The following PDE7A variants were observed in gnomAD, a reference collection of about 807,000 sequenced individuals.
PDE7A encodes the protein phosphodiesterase 7A.
Under a neutral mutation model 64.3 loss-of-function variants are expected in PDE7A, and 39 were observed. That is an observed-to-expected ratio of 0.61 (90% CI 0.47 to 0.79). PDE7A has a LOEUF of 0.79. Among genes scored for constraint, PDE7A ranks in the 30% least tolerant of loss-of-function variants. The probability of loss-of-function intolerance (pLI) is 0.00; values close to 1 mark genes in which losing one functional copy is unlikely to be tolerated. For synonymous variants in PDE7A, 203 were observed against 206.8 expected, an observed-to-expected ratio of 0.98 and a Z score of 0.16; for missense variants, 470 against 582.8, an observed-to-expected ratio of 0.81 and a Z score of 1.99.
chr8:65,735,966 T>C (rs890410528), intron 6 of PDE7A, among the ~76,000 whole-genome samples: 11 of 152,096 alleles, frequency 7.2e-5, no homozygotes, highest in Non-Finnish European at 1.5e-4. Context: ...AGTAGTCCCC[T>C]CATATTCTTG....
At chr8:65,807,335 A>G (rs1810135755) in intron 1 of PDE7A, among the ~76,000 whole-genome samples, 1 of 152,054 alleles carries the variant, frequency 6.6e-6, no homozygotes, top group South Asian at 2.1e-4. Context: ...CAGGTTATTC[A>G]CTTTAAGGGT....
At chr8:65,723,475 T>A in intron 12 of PDE7A, 66 bp downstream of exon 12, 1 of 1,304,262 alleles carries the variant, frequency 7.7e-7, no homozygotes, top group Admixed American at 2.8e-5. Context: ...ATTTCAAATA[T>A]ATTTCCCTTC....
At chr8:65,792,094 CT>C (rs1809717256) in intron 1 of PDE7A, among the ~76,000 whole-genome samples, 1 of 152,052 alleles carries the variant, frequency 6.6e-6, no homozygotes, top group Non-Finnish European at 1.5e-5. Flanking sequence ...GTTTATTATT[CT>C]ATAAAGTTAC....
intron 1 of PDE7A, among the ~76,000 whole-genome samples, chr8:65,803,342 G>T (rs994365833): frequency 1.3e-5 from 2 of 152,134 alleles, no homozygotes; most frequent in African/African-American, 4.8e-5. Flanking sequence ...ACTTTAAAAA[G>T]AAATAAACTG....
chr8:65,745,101 T>C (rs1328402849), intron 5 of PDE7A, among the ~76,000 whole-genome samples: 1 of 152,162 alleles, frequency 6.6e-6, no homozygotes, highest in African/African-American at 2.4e-5. Flanking sequence ...TCATAAGGGG[T>C]TTCCCCTTTT....
intron 1 of PDE7A, among the ~76,000 whole-genome samples, chr8:65,834,227 G>A (rs1484764737): frequency 6.6e-6 from 1 of 152,110 alleles, no homozygotes; most frequent in African/African-American, 2.4e-5. Flanking sequence ...TGAGGTTCAT[G>A]AAGACCTTTA....
intron 3 of PDE7A, among the ~76,000 whole-genome samples, chr8:65,767,903 C>T (rs886303711): frequency 9.2e-5 from 14 of 152,262 alleles, no homozygotes; most frequent in Middle Eastern, 3.4e-3. Context: ...TCCTGGGAAC[C>T]GCAACCTGAA....
At chr8:65,804,540 CTTTTTTTT>C (rs762379703) in intron 1 of PDE7A, among the ~76,000 whole-genome samples, 2 of 113,046 alleles carry the variant, frequency 1.8e-5, no homozygotes, top group Admixed American at 9.4e-5. Context: ...CATTTTGTTG[CTTTTTTTT>C]TTTTTTTTTT....
intron 1 of PDE7A, among the ~76,000 whole-genome samples, chr8:65,799,183 T>C (rs1809929915): frequency 6.6e-6 from 1 of 152,182 alleles, no homozygotes; most frequent in South Asian, 2.1e-4. Flanking sequence ...TGCATGAGTG[T>C]ACCTGCTTGT....
intron 1 of PDE7A, among the ~76,000 whole-genome samples, chr8:65,828,160 A>T (rs1228114797): frequency 6.6e-6 from 1 of 152,126 alleles, no homozygotes; most frequent in African/African-American, 2.4e-5. Context: ...TAAAAAAAAA[A>T]ATCAGAAAAG....
chr8:65,801,652 T>TCA (rs1809990357), intron 1 of PDE7A, among the ~76,000 whole-genome samples: 1 of 151,956 alleles, frequency 6.6e-6, no homozygotes, highest in Admixed American at 6.5e-5. Context: ...TAAATAGAAG[T>TCA]AATAGCTTGA....
chr8:65,718,920 C>G lies in PDE7A; in HGVS notation c.*370G>C, dbSNP rs1806257248. On this transcript the variant is annotated 3_prime_UTR_variant, in exon 13 of 13. Coordinates refer to ENST00000401827, the MANE Select transcript of PDE7A (RefSeq NM_001242318.3). ...AGGTACAAGATACACATTGTTGCAT[C>G]AGACTGGTTAAATTCCAAGAGATTG... 1 of 264,736 alleles carries G rather than the reference C, an allele frequency of 3.8e-6. No homozygotes were observed. The highest frequency in any genetic ancestry group is 7.4e-6 in the Non-Finnish European group (1 of 134,792). The allele number at this position is 264,736 out of a possible 1,614,324, so 16.4% of individuals were successfully genotyped here. A position where few individuals can be genotyped will look rare whatever the true frequency, so the allele number is the denominator to read the frequency against.
At chr8:65,809,235 C>T (rs1810183726) in intron 1 of PDE7A, among the ~76,000 whole-genome samples, 1 of 152,198 alleles carries the variant, frequency 6.6e-6, no homozygotes, top group Non-Finnish European at 1.5e-5. Context: ...TCATATGCCA[C>T]TGCTTCATTA....
At chr8:65,730,171 C>CTTCTTTT (rs1295965698) in intron 7 of PDE7A, among the ~76,000 whole-genome samples, 1,302 of 86,404 alleles carry the variant, frequency 0.015, 284 homozygotes, top group Middle Eastern at 0.024. Context: ...TTGCGCACTT[C>CTTCTTTT]TTTTTTTTTT....
At chr8:65,765,350 G>A (rs967992562) in intron 3 of PDE7A, among the ~76,000 whole-genome samples, 38 of 150,144 alleles carry the variant, frequency 2.5e-4, no homozygotes, top group Admixed American at 5.9e-4. Context: ...TTAGCCGGGC[G>A]TAGTGGCGGG....
intron 3 of PDE7A, among the ~76,000 whole-genome samples, chr8:65,750,668 GT>G (rs1807903990): frequency 6.6e-6 from 1 of 152,058 alleles, no homozygotes; most frequent in Non-Finnish European, 1.5e-5. Context: ...ACTGTCAATG[GT>G]TAAGTCAATT....
At position 65,719,286 on chromosome 8, in the gene PDE7A, G is replaced by T. The variant is rs774975473; in HGVS notation, c.*4C>A. The T allele has an allele frequency of 1.2e-6, 2 of 1,607,284 alleles. No individual in the cohort carries two copies. Among genetic ancestry groups the T allele is most frequent in the African/African-American group, 2.7e-5 (2 of 74,762 alleles). On this transcript the variant is annotated 3_prime_UTR_variant, in exon 13 of 13. Coordinates refer to ENST00000401827, the MANE Select transcript of PDE7A (RefSeq NM_001242318.3). ...GAGGCAGTTTGTCCCACTGGTTCTGGGGGTTATGATAACCGATTTTCCTGA... is the reference window on the plus strand; with the variant it reads ...GAGGCAGTTTGTCCCACTGGTTCTGTGGGTTATGATAACCGATTTTCCTGA...
intron 3 of PDE7A, chr8:65,770,992 G>A (rs1261947695): frequency 8.9e-6 from 3 of 337,266 alleles, no homozygotes; most frequent in Admixed American, 3.7e-5. Flanking sequence ...AAGGCCTATG[G>A]CAAATCCTAC....
At chr8:65,819,729 T>C (rs921370149) in intron 1 of PDE7A, among the ~76,000 whole-genome samples, 9 of 152,362 alleles carry the variant, frequency 5.9e-5, no homozygotes, top group Non-Finnish European at 1.2e-4. Context: ...TTTATTCAAA[T>C]TGTGGCACAC....
Sources: gnomAD v4.1 joint callset for allele counts (sites outside exome capture counted in the v4.1 genomes callset) on GRCh38, gnomAD v4.1.1 for gene constraint, MANE v1.5 for transcripts, NCBI Gene and HGNC (gene_info 2026-07-23, HGNC 2026-07-21) for gene names.